The following CERS6 variants were observed in gnomAD, a reference collection of about 807,000 sequenced individuals.
CERS6 encodes the protein LAG1 homolog, ceramide synthase 6.
CERS6 carries 26 observed loss-of-function variants against 56.8 expected under a neutral mutation model. That is an observed-to-expected ratio of 0.46 (90% CI 0.34 to 0.63). CERS6 has a LOEUF of 0.63. Ranked by LOEUF, CERS6 falls within the 30% of genes least tolerant of loss-of-function variation. The probability of loss-of-function intolerance (pLI) is 0.01; values close to 1 mark genes in which losing one functional copy is unlikely to be tolerated. For missense variants in CERS6, 415 were observed against 467.5 expected (o/e 0.89, Z 1.04); for synonymous variants, 164 against 173.3 (o/e 0.95, Z 0.42).
At chr2:168,595,250 A>T (rs1419186055) in intron 3 of CERS6, among the ~76,000 whole-genome samples, 1 of 152,230 alleles carries the variant, frequency 6.6e-6, no homozygotes, top group Non-Finnish European at 1.5e-5. Flanking sequence ...TATCCTATGC[A>T]GTGCTACAGA....
intron 3 of CERS6, among the ~76,000 whole-genome samples, chr2:168,621,457 T>C (rs1003896509): frequency 2.0e-5 from 3 of 152,210 alleles, no homozygotes; most frequent in African/African-American, 7.2e-5. Flanking sequence ...CTGACAATTA[T>C]AAGATTAGTG....
chr2:168,587,530 T>G (rs1683572407), intron 3 of CERS6, among the ~76,000 whole-genome samples: 1 of 152,234 alleles, frequency 6.6e-6, no homozygotes, highest in Non-Finnish European at 1.5e-5. Flanking sequence ...GGCCTCTGCC[T>G]CAATGTCAAG....
intron 1 of CERS6, among the ~76,000 whole-genome samples, chr2:168,495,714 A>T (rs1694454027): frequency 1.3e-5 from 2 of 152,142 alleles, no homozygotes; most frequent in Non-Finnish European, 2.9e-5. Flanking sequence ...GGTAGTGATG[A>T]CTCATGTGTG....
chr2:168,477,838 G>T (rs1694107591), intron 1 of CERS6, among the ~76,000 whole-genome samples: 1 of 152,142 alleles, frequency 6.6e-6, no homozygotes, highest in South Asian at 2.1e-4. Flanking sequence ...ATTTTAACTT[G>T]CGCTTTTTAA....
Position 168,561,230 on chromosome 2 carries a change from A to G in CERS6, c.315A>G (p.Gln105=), listed in dbSNP as rs956301267. Residue 105 remains glutamine (Q), a synonymous_variant, in exon 3 of 10, where the codon CAA becomes CAG. Coordinates refer to ENST00000305747, the MANE Select transcript of CERS6 (RefSeq NM_203463.3). ...AGAGATTGGAAGGCCTCTCCAAGCA[A>G]CTGGACTGGGATGTTCGAAGCATTC... The part of the protein sequence containing the change: ...DEKRLEGLSK[Q]LDWDVRSIQR... The G allele has an allele frequency of 1.9e-6, 3 of 1,614,108 alleles. No homozygotes were observed. Among genetic ancestry groups the G allele is most frequent in the East Asian group, 2.2e-5 (1 of 44,878 alleles).
At chr2:168,749,998 C>T (rs1324386714) in intron 8 of CERS6, among the ~76,000 whole-genome samples, 5 of 152,144 alleles carry the variant, frequency 3.3e-5, no homozygotes, top group Non-Finnish European at 5.9e-5. Context: ...CTAGGGAAAG[C>T]GTAGTAACTT....
chr2:168,633,623 T>C (rs1014221330), intron 4 of CERS6, among the ~76,000 whole-genome samples: 15 of 152,214 alleles, frequency 9.9e-5, no homozygotes, highest in Admixed American at 9.8e-4. Flanking sequence ...TATTGCTTAT[T>C]TGTAGAACTT....
intron 1 of CERS6, among the ~76,000 whole-genome samples, chr2:168,459,193 T>C (rs763497073): frequency 1.3e-5 from 2 of 152,266 alleles, no homozygotes; most frequent in African/African-American, 2.4e-5. Context: ...ACCTAAGAAA[T>C]ACCCGATTAT....
At chr2:168,653,993 A>C (rs1052956951) in intron 4 of CERS6, among the ~76,000 whole-genome samples, 3 of 152,136 alleles carry the variant, frequency 2.0e-5, no homozygotes, top group African/African-American at 7.2e-5. Context: ...TAATCTTCCT[A>C]ATGAATTTCA....
At chr2:168,552,940 T>TA (rs1371036173) in intron 2 of CERS6, among the ~76,000 whole-genome samples, 1 of 152,202 alleles carries the variant, frequency 6.6e-6, no homozygotes, top group Non-Finnish European at 1.5e-5. Flanking sequence ...AAACTGTGAT[T>TA]AAATATTTTA....
chr2:168,688,401 G>C (rs1416231210), intron 4 of CERS6, among the ~76,000 whole-genome samples: 1 of 137,840 alleles, frequency 7.3e-6, no homozygotes, highest in Non-Finnish European at 1.6e-5. Context: ...TGGCGACAAA[G>C]TGAGACTCCG....
At chr2:168,625,117 A>G (rs1312763032) in intron 3 of CERS6, among the ~76,000 whole-genome samples, 2 of 152,228 alleles carry the variant, frequency 1.3e-5, no homozygotes, top group Non-Finnish European at 1.5e-5. Context: ...ATAATAAATT[A>G]GTTAATCTTT....
chr2:168,475,989 A>C (rs1048905904), intron 1 of CERS6, among the ~76,000 whole-genome samples: 2 of 152,268 alleles, frequency 1.3e-5, no homozygotes, highest in African/African-American at 4.8e-5. Flanking sequence ...GAAAAGGTTC[A>C]AATATATGAC....
At chr2:168,658,977 G>A (rs1685561323) in intron 4 of CERS6, among the ~76,000 whole-genome samples, 1 of 152,230 alleles carries the variant, frequency 6.6e-6, no homozygotes, top group African/African-American at 2.4e-5. Flanking sequence ...TGGATATCGT[G>A]AGAATATCAG....
intron 4 of CERS6, 45 bp downstream of exon 4, chr2:168,631,087 T>C (rs760147116): frequency 6.5e-6 from 6 of 926,274 alleles, no homozygotes; most frequent in Non-Finnish European, 9.4e-6. Flanking sequence ...TGTAAGTGTA[T>C]GTCTATATCC....
chr2:168,736,496 GA>G (rs1031090047), intron 8 of CERS6, among the ~76,000 whole-genome samples: 1 of 150,774 alleles, frequency 6.6e-6, no homozygotes, highest in South Asian at 2.1e-4. Context: ...AGCTAATTAA[GA>G]AAAAAAAATG....
intron 3 of CERS6, among the ~76,000 whole-genome samples, chr2:168,599,648 G>C (rs1274299193): frequency 6.6e-6 from 1 of 152,174 alleles, no homozygotes; most frequent in Non-Finnish European, 1.5e-5. Flanking sequence ...ATTCATTTGA[G>C]ATCTGTGTAA....
At chr2:168,561,450 C>T in intron 3 of CERS6, 128 bp downstream of exon 3, 2 of 960,126 alleles carry the variant, frequency 2.1e-6, no homozygotes, top group East Asian at 5.1e-5. Context: ...GAAAATAGTT[C>T]AGGAAAAACA....
chr2:168,566,623 C>T (rs774897664), intron 3 of CERS6, among the ~76,000 whole-genome samples: 1 of 152,138 alleles, frequency 6.6e-6, no homozygotes, highest in Non-Finnish European at 1.5e-5. Flanking sequence ...TCAGTGCTAT[C>T]TTGTGACCTT....
Sources: allele counts gnomAD v4.1 joint callset (sites outside exome capture counted in the v4.1 genomes callset), GRCh38; gene constraint gnomAD v4.1.1; transcripts MANE v1.5; gene names NCBI Gene and HGNC (gene_info 2026-07-23, HGNC 2026-07-21).